SEMA3A: variants seen among roughly 807,000 people sequenced by gnomAD.
SEMA3A encodes semaphorin 3A, also known as semaphorin-3A.
Under a neutral mutation model 97.9 loss-of-function variants are expected in SEMA3A, and 29 were observed. The ratio of observed to expected loss-of-function variants is 0.30; its 90% CI spans 0.22 to 0.40. The LOEUF (loss-of-function observed/expected upper bound fraction) is 0.40. Among genes scored for constraint, SEMA3A ranks in the 10% least tolerant of loss-of-function variants. The probability of loss-of-function intolerance (pLI) is 1.00; values close to 1 mark genes in which losing one functional copy is unlikely to be tolerated. For synonymous variants in SEMA3A, 321 were observed against 323.7 expected, an observed-to-expected ratio of 0.99 and a Z score of 0.09; for missense variants, 763 against 951.3, an observed-to-expected ratio of 0.80 and a Z score of 2.60.
At chr7:84,179,408 A>C (rs1430116778) in intron 1 of SEMA3A, among the ~76,000 whole-genome samples, 2 of 152,172 alleles carry the variant, frequency 1.3e-5, no homozygotes, top group Non-Finnish European at 2.9e-5. Flanking sequence ...TCTACTAGAA[A>C]GCCATTCTCC....
chr7:84,048,020 C>A (rs566613262), intron 5 of SEMA3A, among the ~76,000 whole-genome samples: 4 of 152,016 alleles, frequency 2.6e-5, no homozygotes, highest in African/African-American at 9.6e-5. Flanking sequence ...TTACTCTAAA[C>A]ATCCATAGAT....
chr7:84,063,263 A>G (rs1793328551), intron 4 of SEMA3A, among the ~76,000 whole-genome samples: 1 of 150,356 alleles, frequency 6.7e-6, no homozygotes, highest in Admixed American at 6.6e-5. Context: ...CCAAAAACCC[A>G]TCTGTACATC....
chr7:84,048,848 AT>A (rs1016361641), intron 5 of SEMA3A, among the ~76,000 whole-genome samples: 56 of 152,110 alleles, frequency 3.7e-4, no homozygotes, highest in African/African-American at 1.3e-3. Context: ...TATGATGTTT[AT>A]TATATTTAAA....
chr7:84,035,649 T>C (rs1435224030), intron 6 of SEMA3A, among the ~76,000 whole-genome samples: 3 of 152,056 alleles, frequency 2.0e-5, no homozygotes, highest in Admixed American at 6.6e-5. Context: ...ATTTTTCGTG[T>C]GGCTTTTAAA....
At chr7:84,441,099 G>A (rs547633522) in intron 1 of SEMA3A, among the ~76,000 whole-genome samples, 19 of 151,784 alleles carry the variant, frequency 1.3e-4, no homozygotes, top group African/African-American at 3.6e-4. Flanking sequence ...TGGAGGTTGT[G>A]GTGAGCCGAG....
intron 3 of SEMA3A, among the ~76,000 whole-genome samples, chr7:84,297,629 G>C: frequency 6.6e-6 from 1 of 152,034 alleles, no homozygotes; most frequent in East Asian, 1.9e-4. Flanking sequence ...TTAATACCCT[G>C]CTGCTCTATA....
At chr7:84,215,311 G>T (rs1798723278) in intron 3 of SEMA3A, among the ~76,000 whole-genome samples, 1 of 150,998 alleles carries the variant, frequency 6.6e-6, no homozygotes, top group Admixed American at 6.6e-5. Flanking sequence ...TCAGCCTCCT[G>T]AGTAGCTGGA....
chr7:84,341,333 T>C (rs1441551475), intron 2 of SEMA3A, among the ~76,000 whole-genome samples: 1 of 152,214 alleles, frequency 6.6e-6, no homozygotes, highest in Non-Finnish European at 1.5e-5. Context: ...TCCAAGTTGT[T>C]CTCTGTATGT....
intron 3 of SEMA3A, among the ~76,000 whole-genome samples, chr7:84,301,402 A>G (rs1287906382): frequency 1.3e-5 from 2 of 152,152 alleles, no homozygotes; most frequent in Non-Finnish European, 2.9e-5. Flanking sequence ...TAAGGCCAGA[A>G]AGCCAATGAA....
At chr7:84,371,662 G>A (rs981139851) in intron 2 of SEMA3A, among the ~76,000 whole-genome samples, 1 of 151,838 alleles carries the variant, frequency 6.6e-6, no homozygotes, top group Non-Finnish European at 1.5e-5. Flanking sequence ...ATAAACACCT[G>A]ATTGGATTTT....
At chr7:83,992,254 C>G (rs534510861) in intron 12 of SEMA3A, among the ~76,000 whole-genome samples, 3 of 149,590 alleles carry the variant, frequency 2.0e-5, no homozygotes, top group Admixed American at 2.0e-4. Flanking sequence ...TTTTGTTGAT[C>G]CTTTCAAAAA....
Position 84,396,543 on chromosome 7 carries a change from A to G in SEMA3A, c.-245-24643T>C, listed in dbSNP as rs189222921. ...TAATAAGTTCAATATATTGAAAGAA[A>G]ATACCTTATAAATTTATAATTTCAT... On this transcript the variant is annotated intron_variant, in intron 1 of 3. Coordinates refer to the SEMA3A transcript ENST00000424555. 4.9e-3 allele frequency among the ~76,000 whole-genome samples: 750 copies of G among 152,048 alleles called. 5 individuals are homozygous for G. The highest frequency in any genetic ancestry group is 7.6e-3 in the Non-Finnish European group (515 of 67,910).
chr7:84,423,297 T>C (rs974000380), intron 1 of SEMA3A, among the ~76,000 whole-genome samples: 1 of 152,078 alleles, frequency 6.6e-6, no homozygotes, highest in East Asian at 1.9e-4. Flanking sequence ...AAGTGGTCTC[T>C]CCACCTCTTT....
rs543289057 is a variant in SEMA3A at position 84,150,235 on chromosome 7, C to G, written c.113-15284G>C. On this transcript the variant is annotated intron_variant, in intron 1 of 16. Transcript: ENST00000265362. ...CTGCCTCATGAAATTGCTGTAGAAGCTGAGATTATGGCGAACAGGAACAGC... is the reference window on the plus strand; with the variant it reads ...CTGCCTCATGAAATTGCTGTAGAAGGTGAGATTATGGCGAACAGGAACAGC... Among the ~76,000 whole-genome samples the G allele has an allele frequency of 1.8e-4, 28 of 152,258 alleles. No individual in the cohort carries two copies. In the East Asian group the frequency reaches 4.8e-3, roughly 26 times the overall value.
At chr7:84,463,462 A>T (rs138388712) in intron 1 of SEMA3A, among the ~76,000 whole-genome samples, 3,977 of 151,820 alleles carry the variant, frequency 0.026, 166 homozygotes, top group African/African-American at 0.09. Context: ...GTTAGCCAGG[A>T]TAGTCCCGAT....
chr7:84,007,118 A>G lies in SEMA3A; in HGVS notation c.1140+235T>C, dbSNP rs149591208. On this transcript the variant is annotated intron_variant, in intron 10 of 16. Coordinates refer to ENST00000265362, the MANE Select transcript of SEMA3A (RefSeq NM_006080.3). ...TGGTCAAAAATTAAAATAAGATTTA[A>G]TAATTTTAGATTTATATCTTATACT... Among the ~76,000 whole-genome samples the G allele has an allele frequency of 1.5e-3, 223 of 152,314 alleles. 2 individuals are homozygous for G. The East Asian group carries it at 0.016, about 11-fold the overall frequency.
rs372153886 is a variant in SEMA3A at position 84,110,270 on chromosome 7, C to T, written c.453+200G>A. ...AAACAAATGCTTTCTTCCTTCCTTC[C>T]TCCTGCTCCCTAGTTTTTGTTGAGT... On this transcript the variant is annotated intron_variant, in intron 4 of 16. Transcript: ENST00000265362. Among the ~76,000 whole-genome samples the T allele has an allele frequency of 3.2e-4, 49 of 152,162 alleles. 1 individual carries two copies. The highest frequency in any genetic ancestry group is 2.7e-3 in the Admixed American group (41 of 15,264).
At position 84,424,578 on chromosome 7, in the gene SEMA3A, A is replaced by G. The variant is rs1336766066; in HGVS notation, c.-245-52678T>C. Reference sequence around the variant, plus strand: ...TTATATATAATATATAAATATTAATATATATTATATATAATATATAAATAT... The same window carrying G: ...TTATATATAATATATAAATATTAATGTATATTATATATAATATATAAATAT... On this transcript the variant is annotated intron_variant, in intron 1 of 3. Coordinates refer to the SEMA3A transcript ENST00000424555. Among the ~76,000 whole-genome samples the G allele has an allele frequency of 7.1e-4, 52 of 73,010 alleles. 1 individual carries two copies. The highest frequency in any genetic ancestry group is 4.2e-3 in the African/African-American group (46 of 10,948). 47.9% of individuals were successfully genotyped at this position (73,010 alleles called of 152,430 possible).
intron 1 of SEMA3A, among the ~76,000 whole-genome samples, chr7:84,481,312 G>A (rs1806439786): frequency 6.6e-6 from 1 of 152,016 alleles, no homozygotes. Context: ...TGCAAAGGGT[G>A]GGACTAAACC....
Sources: allele counts gnomAD v4.1 joint callset (sites outside exome capture counted in the v4.1 genomes callset), GRCh38; gene constraint gnomAD v4.1.1; transcripts MANE v1.5; gene names NCBI Gene and HGNC (gene_info 2026-07-23, HGNC 2026-07-21).